Variants in REG4 observed in about 807,000 individuals in gnomAD.
REG4 encodes the protein regenerating islet-derived protein 4.
A neutral mutation model predicts 22.3 loss-of-function variants in REG4; 16 were observed. The observed-to-expected ratio is 0.72, with a 90% CI of 0.49 to 1.09. REG4 has a LOEUF of 1.09. REG4 is among the 50% of genes least tolerant of loss of function. The pLI is 0.00. For missense variants in REG4, 214 were observed against 193.9 expected (o/e 1.10, Z -0.61); for synonymous variants, 71 against 69.2 (o/e 1.03, Z -0.13).
chr1:119,806,082 C>A (rs1201598595), intron 2 of REG4, among the ~76,000 whole-genome samples: 2 of 152,138 alleles, frequency 1.3e-5, no homozygotes, highest in Non-Finnish European at 2.9e-5. Context: ...CAGGCGAGCA[C>A]CACTGTACCA....
chr1:119,803,102 T>G lies in REG4; in HGVS notation c.131A>C (p.Tyr44Ser). ...WFYHKSNCYGYFRKLRNWSDA... is the reference protein window; with the variant it reads ...WFYHKSNCYGSFRKLRNWSDA... ...AGACCAGTTCCTCAGCTTCCTGAAG[T>G]AACCATAGCAATTGGACTTGTGGTA... The change falls in exon 3 of 6, where the codon TAC (tyrosine) becomes TCC (serine). Residue 44 changes from tyrosine (Y) to serine (S), a missense_variant. Transcript: ENST00000256585. The G allele has an allele frequency of 6.4e-7, 1 of 1,566,336 alleles. No individual in the cohort carries two copies. The highest frequency in any genetic ancestry group is 8.6e-7 in the Non-Finnish European group (1 of 1,159,560).
At chr1:119,794,902 G>A (rs937411607) in intron 5 of REG4, among the ~76,000 whole-genome samples, 2 of 152,200 alleles carry the variant, frequency 1.3e-5, no homozygotes, top group African/African-American at 4.8e-5. Flanking sequence ...GAGTAAAGCA[G>A]ATGGCCCTCC....
In REG4 at chr1:119,794,293, A is replaced by C. The variant is rs1017178766; in HGVS notation, c.*325T>G. 2.8e-5 allele frequency: 16 copies of C among 579,278 alleles called. No homozygotes were observed. The highest frequency in any genetic ancestry group is 2.2e-4 in the African/African-American group (12 of 53,696). The allele number at this position is 579,278 out of a possible 1,614,324, so 35.9% of individuals were successfully genotyped here. On this transcript the variant is annotated 3_prime_UTR_variant, in exon 6 of 6. Coordinates refer to ENST00000256585, the MANE Select transcript of REG4 (RefSeq NM_032044.4). ...CTGAGTTTCTTCCTTCTGTCTTCAAATCTTTACTTCTTATGGCCAAAGACC... is the reference window on the plus strand; with the variant it reads ...CTGAGTTTCTTCCTTCTGTCTTCAACTCTTTACTTCTTATGGCCAAAGACC...
intron 1 of REG4, among the ~76,000 whole-genome samples, chr1:119,810,391 C>T (rs1308635172): frequency 2.0e-5 from 3 of 152,094 alleles, no homozygotes; most frequent in Non-Finnish European, 2.9e-5. Flanking sequence ...ATCTAACTCT[C>T]AAATAATGGA....
chr1:119,808,931 A>C lies in REG4; in HGVS notation c.-94-68T>G, dbSNP rs1654414313. 3 of 535,940 alleles carry C rather than the reference A, an allele frequency of 5.6e-6. No individual in the cohort carries two copies. The East Asian group carries it at 9.6e-5, about 17-fold the overall frequency. 33.2% of individuals were successfully genotyped at this position (535,940 alleles called of 1,614,324 possible). The stretch of plus-strand genomic sequence containing the variant: ...TGCCAACTAATACATATGGAGGAAA[A>C]TAATACAATATTTTCCTGGCTAAAT... On this transcript the variant is annotated intron_variant, in intron 1 of 5. Transcript: ENST00000256585.
At chr1:119,802,822 T>G (rs1654155092) in intron 3 of REG4, 1 of 1,524,558 alleles carries the variant, frequency 6.6e-7, no homozygotes, top group East Asian at 2.5e-5. Context: ...GGGTAGGGGC[T>G]CTTTCCTATG....
intron 5 of REG4, 92 bp downstream of exon 5, chr1:119,798,405 C>A (rs1265466442): frequency 1.1e-6 from 1 of 928,654 alleles, no homozygotes; most frequent in East Asian, 2.4e-5. Context: ...ATGAGGAGGG[C>A]AGTGGTCCCC....
At chr1:119,804,625 A>C (rs963349336) in intron 2 of REG4, among the ~76,000 whole-genome samples, 4 of 152,242 alleles carry the variant, frequency 2.6e-5, no homozygotes, top group Admixed American at 2.6e-4. Context: ...ACATGAACAT[A>C]ATTTTATGAT....
At chr1:119,808,632 G>C in intron 2 of REG4, 71 bp downstream of exon 2, 1 of 1,079,374 alleles carries the variant, frequency 9.3e-7, no homozygotes. Flanking sequence ...GTGGGCAAAT[G>C]GATGACTGTC....
At chr1:119,811,160 T>G (rs1654485361) in intron 1 of REG4, among the ~76,000 whole-genome samples, 1 of 152,194 alleles carries the variant, frequency 6.6e-6, no homozygotes, top group South Asian at 2.1e-4. Context: ...ATTGAGTAAC[T>G]TTTCTAAAGT....
chr1:119,794,922 G>A lies in REG4; in HGVS notation c.410-237C>T, dbSNP rs191645816. Among the ~76,000 whole-genome samples, 102 of 152,316 alleles carry A rather than the reference G, an allele frequency of 6.7e-4. 1 individual carries two copies. The highest frequency in any genetic ancestry group is 7.7e-4 in the East Asian group (4 of 5,180). ...AAGCAGATGGCCCTCCATCATGTGT[G>A]TGGGCCTCCTCCAATCAATTGAAGG... On this transcript the variant is annotated intron_variant, in intron 5 of 5. Coordinates refer to ENST00000256585, the MANE Select transcript of REG4 (RefSeq NM_032044.4).
At chr1:119,799,103 T>C (rs587775509) in intron 4 of REG4, among the ~76,000 whole-genome samples, 10 of 152,218 alleles carry the variant, frequency 6.6e-5, no homozygotes, top group African/African-American at 2.4e-4. Flanking sequence ...AAGCAGGAAG[T>C]ATGGGGCTTC....
intron 3 of REG4, chr1:119,802,782 T>C (rs1557761920): frequency 1.4e-6 from 2 of 1,467,718 alleles, no homozygotes; most frequent in Non-Finnish European, 1.8e-6. Flanking sequence ...GATGTATTTC[T>C]GTCTCCTTTA....
intron 1 of REG4, among the ~76,000 whole-genome samples, chr1:119,810,187 T>C (rs1346157560): frequency 6.6e-6 from 1 of 152,192 alleles, no homozygotes; most frequent in Non-Finnish European, 1.5e-5. Context: ...TTTAAATTTA[T>C]ATCAAAAGAC....
At chr1:119,805,150 G>A (rs1390875055) in intron 2 of REG4, among the ~76,000 whole-genome samples, 1 of 152,188 alleles carries the variant, frequency 6.6e-6, no homozygotes, top group Non-Finnish European at 1.5e-5. Context: ...TAATTGGGCT[G>A]CCTTGATTAT....
At chr1:119,805,941 G>C (rs1427091899) in intron 2 of REG4, among the ~76,000 whole-genome samples, 2 of 152,008 alleles carry the variant, frequency 1.3e-5, no homozygotes, top group South Asian at 2.1e-4. Context: ...GCTGCGCTAT[G>C]GCTCTGCCTT....
chr1:119,806,671 C>T (rs1654329339), intron 2 of REG4, among the ~76,000 whole-genome samples: 1 of 152,140 alleles, frequency 6.6e-6, no homozygotes, highest in African/African-American at 2.4e-5. Context: ...GGAGAGAAGC[C>T]AATGTTTCCA....
At chr1:119,795,649 G>C (rs1437689677) in intron 5 of REG4, among the ~76,000 whole-genome samples, 1 of 152,186 alleles carries the variant, frequency 6.6e-6, no homozygotes, top group African/African-American at 2.4e-5. Context: ...TTCCCAGTGC[G>C]TGTGGGTGGG....
chr1:119,798,063 G>A (rs1653983236), intron 5 of REG4, among the ~76,000 whole-genome samples: 2 of 152,182 alleles, frequency 1.3e-5, no homozygotes, highest in Non-Finnish European at 2.9e-5. Flanking sequence ...GAAGAACTCA[G>A]GCAAAGACCG....
Sources: gnomAD v4.1 joint callset for allele counts (sites outside exome capture counted in the v4.1 genomes callset) on GRCh38, gnomAD v4.1.1 for gene constraint, MANE v1.5 for transcripts, NCBI Gene and HGNC (gene_info 2026-07-23, HGNC 2026-07-21) for gene names.